The following TRAF3IP2 variants were observed in gnomAD, a reference collection of about 807,000 sequenced individuals.
TRAF3IP2 encodes the protein E3 ubiquitin ligase TRAF3IP2.
Under a neutral mutation model 57.9 loss-of-function variants are expected in TRAF3IP2, and 35 were observed. That is an observed-to-expected ratio of 0.60 (90% CI 0.46 to 0.80). The LOEUF is 0.80. Among genes scored for constraint, TRAF3IP2 ranks in the 30% least tolerant of loss-of-function variants. TRAF3IP2 has a pLI of 0.00. For synonymous variants in TRAF3IP2, 251 were observed against 268.9 expected, an observed-to-expected ratio of 0.93 and a Z score of 0.65; for missense variants, 556 against 706.4, an observed-to-expected ratio of 0.79 and a Z score of 2.41.
At chr6:111,575,542 C>A in intron 4 of TRAF3IP2, 101 bp downstream of exon 4, 1 of 1,326,406 alleles carries the variant, frequency 7.5e-7, no homozygotes, top group Admixed American at 2.2e-5. Context: ...GAGCTGAGAT[C>A]GCACCACTGC....
intron 5 of TRAF3IP2, among the ~76,000 whole-genome samples, chr6:111,569,431 G>A (rs1001214615): frequency 6.6e-6 from 1 of 152,136 alleles, no homozygotes; most frequent in African/African-American, 2.4e-5. Flanking sequence ...CTATCATAAT[G>A]CCAGGCAGGA....
intron 6 of TRAF3IP2, 162 bp downstream of exon 6, chr6:111,567,462 C>G: frequency 7.6e-7 from 1 of 1,318,182 alleles, no homozygotes; most frequent in Non-Finnish European, 9.7e-7. Context: ...CTCCGTCCTT[C>G]CTTTCCAAGT....
chr6:111,562,327 C>T (rs969668920), intron 8 of TRAF3IP2, among the ~76,000 whole-genome samples: 1 of 152,212 alleles, frequency 6.6e-6, no homozygotes, highest in Non-Finnish European at 1.5e-5. Flanking sequence ...AAACCATACA[C>T]ATCTTGACTT....
chr6:111,587,632 C>T (rs1281297442), intron 2 of TRAF3IP2, among the ~76,000 whole-genome samples: 1 of 148,618 alleles, frequency 6.7e-6, no homozygotes, highest in Admixed American at 6.7e-5. Flanking sequence ...ATTCCCTGCT[C>T]CCCTCCCCAC....
chr6:111,570,333 T>C (rs1795790451), intron 5 of TRAF3IP2, among the ~76,000 whole-genome samples: 1 of 152,238 alleles, frequency 6.6e-6, no homozygotes, highest in Admixed American at 6.5e-5. Context: ...AAGAATTCCT[T>C]CTTTGACTCT....
chr6:111,556,217 T>C lies in TRAF3IP2; in HGVS notation c.*3188A>G, dbSNP rs1244379799. ...GCGTGTGTGTGTGTATGTGTGCGTG[T>C]GTGTGTGTGTGTCTGTGTGTACTTT... is the stretch of plus-strand genomic sequence containing the variant. On this transcript the variant is annotated 3_prime_UTR_variant, in exon 9 of 9. Transcript: ENST00000368761. 6.6e-6 allele frequency among the ~76,000 whole-genome samples: 1 copy of C among 151,480 alleles called. No individual in the cohort carries two copies. Among genetic ancestry groups the C allele is most frequent in the Non-Finnish European group, 1.5e-5 (1 of 67,706 alleles).
chr6:111,564,137 AAC>A (rs1225969254), intron 7 of TRAF3IP2, among the ~76,000 whole-genome samples: 1 of 151,846 alleles, frequency 6.6e-6, no homozygotes, highest in Non-Finnish European at 1.5e-5. Flanking sequence ...ACCCCTCATA[AAC>A]ACACACTCTC....
At chr6:111,579,170 A>G (rs1796083206) in intron 3 of TRAF3IP2, among the ~76,000 whole-genome samples, 1 of 152,114 alleles carries the variant, frequency 6.6e-6, no homozygotes, top group South Asian at 2.1e-4. Context: ...GTCTACTAAA[A>G]ATACAAAAAT....
Position 111,575,728 on chromosome 6 carries a change from A to T in TRAF3IP2, c.1116T>A (p.Pro372=), listed in dbSNP as rs1444022597. The T allele has an allele frequency of 6.2e-7, 1 of 1,612,506 alleles. No individual in the cohort carries two copies. The highest frequency in any genetic ancestry group is 8.5e-7 in the Non-Finnish European group (1 of 1,179,574). ...PAELRPQVPQ[P]PSPAAVPRPP... is the part of the protein sequence containing the mutation. ...GTCTAGGCACAGCAGCTGGGGACGG[A>T]GGCTGGGGAACCTGTGGTCTCAGCT... is the stretch of plus-strand genomic sequence containing the variant. The change falls in exon 4 of 9, where the codon CCT becomes CCA. Residue 372 remains proline, a synonymous_variant. Transcript: ENST00000368761.
chr6:111,597,983 G>T (rs2128385238), intron 1 of TRAF3IP2: 1 of 442,990 alleles, frequency 2.3e-6, no homozygotes, highest in South Asian at 1.6e-5. Flanking sequence ...GGGAACAGGA[G>T]ACCTGCCAAC....
chr6:111,560,670 G>A (rs1486153810), intron 8 of TRAF3IP2, among the ~76,000 whole-genome samples: 1 of 152,162 alleles, frequency 6.6e-6, no homozygotes, highest in East Asian at 1.9e-4. Flanking sequence ...TGGTGAGAGC[G>A]GCCTGTGCTG....
chr6:111,569,157 C>T (rs180967944), intron 5 of TRAF3IP2, among the ~76,000 whole-genome samples: 9 of 152,282 alleles, frequency 5.9e-5, no homozygotes, highest in South Asian at 4.1e-4. Flanking sequence ...TGATGGCCAA[C>T]GACTACTCTT....
chr6:111,561,548 G>T (rs1013506179), intron 8 of TRAF3IP2, among the ~76,000 whole-genome samples: 1 of 152,022 alleles, frequency 6.6e-6, no homozygotes, highest in Non-Finnish European at 1.5e-5. Context: ...GCAAGCAGAC[G>T]GAACAGAAAA....
chr6:111,561,411 G>C (rs942563758), intron 8 of TRAF3IP2, among the ~76,000 whole-genome samples: 54 of 152,278 alleles, frequency 3.5e-4, no homozygotes, highest in African/African-American at 1.3e-3. Context: ...CTACACTCCA[G>C]CCTGATGACA....
At chr6:111,563,654 T>C (rs754385351) in intron 7 of TRAF3IP2, among the ~76,000 whole-genome samples, 3 of 152,176 alleles carry the variant, frequency 2.0e-5, no homozygotes, top group Non-Finnish European at 2.9e-5. Flanking sequence ...AAAGAAAAGA[T>C]TTTGGTCAAG....
Position 111,557,722 on chromosome 6 carries a change from T to G in TRAF3IP2, c.*1683A>C, listed in dbSNP as rs1795293858. ...TGGGATTACAGGCGTGAGAAGATAT[T>G]TTTTAAAAGAGGAAAATGTTGGCTG... On this transcript the variant is annotated 3_prime_UTR_variant, in exon 9 of 9. Coordinates refer to ENST00000368761, the MANE Select transcript of TRAF3IP2 (RefSeq NM_147686.4). 1 of 151,628 alleles carries G rather than the reference T, an allele frequency of 6.6e-6. No homozygotes were observed. Among genetic ancestry groups the G allele is most frequent in the Non-Finnish European group, 1.5e-5 (1 of 67,914 alleles). The allele number at this position is 151,628 out of a possible 1,614,324, so 9.4% of individuals were successfully genotyped here.
At chr6:111,590,891 T>C (rs1415345284) in intron 2 of TRAF3IP2, among the ~76,000 whole-genome samples, 2 of 152,180 alleles carry the variant, frequency 1.3e-5, no homozygotes, top group Non-Finnish European at 1.5e-5. Context: ...GGAAGAAAGA[T>C]GACGAGAAGG....
chr6:111,602,927 T>C (rs1562440214), intron 1 of TRAF3IP2, among the ~76,000 whole-genome samples: 1 of 152,100 alleles, frequency 6.6e-6, no homozygotes, highest in East Asian at 1.9e-4. Flanking sequence ...CTCCGGTCAG[T>C]CCTGGCCCTC....
chr6:111,568,737 G>A (rs1795736876), intron 5 of TRAF3IP2, among the ~76,000 whole-genome samples: 1 of 151,962 alleles, frequency 6.6e-6, no homozygotes, highest in Non-Finnish European at 1.5e-5. Context: ...ATCCAGCCTC[G>A]CCATCCATGA....
Sources: gnomAD v4.1 joint callset for allele counts (sites outside exome capture counted in the v4.1 genomes callset) on GRCh38, gnomAD v4.1.1 for gene constraint, MANE v1.5 for transcripts, NCBI Gene and HGNC (gene_info 2026-07-23, HGNC 2026-07-21) for gene names.